Variants in WDR27 observed in about 807,000 individuals in gnomAD.
WDR27 encodes WD repeat-containing protein 27.
Under a neutral mutation model 114.4 loss-of-function variants are expected in WDR27, and 100 were observed. That is an observed-to-expected ratio of 0.87 (90% CI 0.74 to 1.03). The LOEUF is 1.03. Among genes scored for constraint, WDR27 ranks in the 50% least tolerant of loss-of-function variants. WDR27 has a pLI of 0.00. For missense variants in WDR27, 1,129 were observed against 1,092.9 expected (o/e 1.03, Z -0.47); for synonymous variants, 449 against 423.1 (o/e 1.06, Z -0.75).
chr6:169,664,554 T>A (rs1827240459), intron 7 of WDR27: 2 of 1,320,844 alleles, frequency 1.5e-6, no homozygotes, highest in Non-Finnish European at 1.9e-6. Flanking sequence ...CTCCCCAAGA[T>A]GCTCCTCTGG....
At chr6:169,563,950 AGAT>A (rs1800049360) in intron 25 of WDR27, among the ~76,000 whole-genome samples, 1 of 152,250 alleles carries the variant, frequency 6.6e-6, no homozygotes, top group African/African-American at 2.4e-5. Flanking sequence ...CTCATAGGAT[AGAT>A]GATGAGTATA....
chr6:169,622,201 G>A (rs1050728123), intron 21 of WDR27, among the ~76,000 whole-genome samples: 1 of 152,192 alleles, frequency 6.6e-6, no homozygotes. Context: ...CCAGACCGAA[G>A]CAATGTTCAT....
At chr6:169,502,880 C>T (rs1791515700) in intron 25 of WDR27, among the ~76,000 whole-genome samples, 1 of 152,138 alleles carries the variant, frequency 6.6e-6, no homozygotes, top group Non-Finnish European at 1.5e-5. Flanking sequence ...AGCCAAGATT[C>T]GAGTAGATGG....
In WDR27 at chr6:169,689,023, A is replaced by G; in HGVS notation, c.-7-11T>C. On this transcript the variant is annotated splice_polypyrimidine_tract_variant and intron_variant, in intron 1 of 25. Coordinates refer to ENST00000448612, the MANE Select transcript of WDR27 (RefSeq NM_182552.5). The stretch of plus-strand genomic sequence containing the variant: ...TTTTCCATCTTCAATCTGAAAACAA[A>G]AAGTACATATAAGATGACTATAGGT... The G allele has an allele frequency of 6.3e-7, 1 of 1,595,940 alleles. No homozygotes were observed. Among genetic ancestry groups the G allele is most frequent in the South Asian group, 1.1e-5 (1 of 88,438 alleles).
At chr6:169,552,732 T>C (rs1798320560) in intron 25 of WDR27, among the ~76,000 whole-genome samples, 1 of 152,212 alleles carries the variant, frequency 6.6e-6, no homozygotes. Context: ...GTTTAAACAT[T>C]GTTAGTGGAA....
At chr6:169,479,475 T>C (rs907138853) in intron 25 of WDR27, among the ~76,000 whole-genome samples, 3 of 152,316 alleles carry the variant, frequency 2.0e-5, no homozygotes, top group Non-Finnish European at 2.9e-5. Flanking sequence ...AAAACTTAAC[T>C]GTCCTAAACA....
chr6:169,575,901 T>A (rs1305763880), intron 24 of WDR27, among the ~76,000 whole-genome samples: 2 of 152,226 alleles, frequency 1.3e-5, no homozygotes, highest in African/African-American at 4.8e-5. Flanking sequence ...TCACAAATGT[T>A]AGTGAAGGGA....
intron 2 of WDR27, among the ~76,000 whole-genome samples, chr6:169,682,855 A>G (rs1483977635): frequency 2.0e-5 from 3 of 152,212 alleles, no homozygotes; most frequent in Admixed American, 6.5e-5. Flanking sequence ...AGAAATCACC[A>G]AAGAAACTTA....
At chr6:169,448,226 C>T in the WDR27 span, among the ~76,000 whole-genome samples, 164 of 152,140 alleles carry the variant, frequency 1.1e-3, no homozygotes, top group Non-Finnish European at 1.8e-3. Context: ...TGTTTTCTAT[C>T]GGGCAATTGG....
At chr6:169,550,414 A>ATTAT (rs990526970) in intron 25 of WDR27, among the ~76,000 whole-genome samples, 97 of 151,840 alleles carry the variant, frequency 6.4e-4, no homozygotes, top group African/African-American at 2.1e-3. Context: ...TGTATTTTAT[A>ATTAT]TTATTTATTT....
At chr6:169,632,892 A>ATG in intron 21 of WDR27, 55 bp downstream of exon 21, 4 of 1,487,338 alleles carry the variant, frequency 2.7e-6, no homozygotes, top group Non-Finnish European at 3.6e-6. Context: ...TATCTGTTAA[A>ATG]TGCTTTAAGC....
intron 25 of WDR27, among the ~76,000 whole-genome samples, chr6:169,461,234 T>C (rs1232643819): frequency 6.6e-6 from 1 of 152,074 alleles, no homozygotes; most frequent in Admixed American, 6.6e-5. Flanking sequence ...AGAACATAGG[T>C]AAGGACATAG....
intron 23 of WDR27, among the ~76,000 whole-genome samples, chr6:169,587,383 T>TA (rs1398971891): frequency 6.6e-6 from 1 of 151,980 alleles, no homozygotes; most frequent in African/African-American, 2.4e-5. Flanking sequence ...CACACGCGGC[T>TA]AGTTTTTGTA....
At chr6:169,471,465 G>T (rs1178524576) in intron 25 of WDR27, among the ~76,000 whole-genome samples, 1 of 152,080 alleles carries the variant, frequency 6.6e-6, no homozygotes, top group African/African-American at 2.4e-5. Context: ...ATTTTCATGA[G>T]TTTGATTTAA....
At chr6:169,605,957 C>A (rs772037090) in intron 22 of WDR27, among the ~76,000 whole-genome samples, 8 of 152,022 alleles carry the variant, frequency 5.3e-5, no homozygotes, top group Non-Finnish European at 8.8e-5. Flanking sequence ...AAAATAAACT[C>A]AAGATGGATT....
intron 1 of WDR27, 128 bp downstream of exon 1, chr6:169,701,423 A>G (rs1326464016): frequency 6.6e-6 from 1 of 152,224 alleles, no homozygotes; most frequent in East Asian, 1.9e-4. Context: ...CCGCCCTCGG[A>G]GCTCAGAACC....
chr6:169,599,881 T>C (rs1807597504), intron 23 of WDR27, among the ~76,000 whole-genome samples: 1 of 152,170 alleles, frequency 6.6e-6, no homozygotes, highest in Non-Finnish European at 1.5e-5. Flanking sequence ...TCTTTCCTGC[T>C]TTCTCTTGTG....
chr6:169,649,298 T>C, intron 14 of WDR27, 23 bp from the exon 15 acceptor site: 6 of 1,539,776 alleles, frequency 3.9e-6, no homozygotes, highest in Non-Finnish European at 5.3e-6. Flanking sequence ...AACTCTAATA[T>C]CACTCTCAAA....
intron 19 of WDR27, among the ~76,000 whole-genome samples, chr6:169,635,310 G>A (rs1043531394): frequency 3.3e-5 from 5 of 152,186 alleles, no homozygotes; most frequent in Non-Finnish European, 5.9e-5. Flanking sequence ...CCATGAACTC[G>A]GGAGGCGGAG....
Sources: gnomAD v4.1 joint callset for allele counts (sites outside exome capture counted in the v4.1 genomes callset) on GRCh38, gnomAD v4.1.1 for gene constraint, MANE v1.5 for transcripts, NCBI Gene and HGNC (gene_info 2026-07-23, HGNC 2026-07-21) for gene names.